Variants in CNTNAP2 observed in about 807,000 individuals in gnomAD.
CNTNAP2 encodes contactin-associated protein-like 2.
Under a neutral mutation model 155.2 loss-of-function variants are expected in CNTNAP2, and 98 were observed. The ratio of observed to expected loss-of-function variants is 0.63; its 90% CI spans 0.54 to 0.75. The LOEUF (loss-of-function observed/expected upper bound fraction) is 0.75. Among genes scored for constraint, CNTNAP2 ranks in the 30% least tolerant of loss-of-function variants. The pLI, the probability that CNTNAP2 is intolerant of heterozygous loss-of-function variation, is 0.00. For missense variants in CNTNAP2, 1,727 were observed against 1,688.1 expected, an observed-to-expected ratio of 1.02 and a Z score of -0.40; for synonymous variants, 651 against 631.2, an observed-to-expected ratio of 1.03 and a Z score of -0.47.
At chr7:148,301,306 A>AAAAATATATATATATATAT in intron 21 of CNTNAP2, among the ~76,000 whole-genome samples, 8 of 103,844 alleles carry the variant, frequency 7.7e-5, no homozygotes, top group African/African-American at 1.9e-4. Context: ...AAAAAAAAAA[A>AAAAATATATATATATATAT]ATATATATAT....
At chr7:146,698,904 T>C (rs1800829417) in intron 1 of CNTNAP2, among the ~76,000 whole-genome samples, 1 of 152,166 alleles carries the variant, frequency 6.6e-6, no homozygotes, top group South Asian at 2.1e-4. Flanking sequence ...TCCAGCCTAC[T>C]AATGAACCCA....
chr7:146,879,773 TAAAG>T (rs918051588), intron 3 of CNTNAP2, among the ~76,000 whole-genome samples: 4 of 152,022 alleles, frequency 2.6e-5, no homozygotes, highest in Admixed American at 6.6e-5. Context: ...TTTATAATAA[TAAAG>T]AAAATAAAGA....
At chr7:147,327,602 C>A (rs1795483660) in intron 9 of CNTNAP2, among the ~76,000 whole-genome samples, 1 of 152,152 alleles carries the variant, frequency 6.6e-6, no homozygotes, top group South Asian at 2.1e-4. Context: ...GAAAGCTGTT[C>A]TGCATTCCTT....
chr7:146,571,082 T>C lies in CNTNAP2; in HGVS notation c.98-203189T>C, dbSNP rs1388149168. On this transcript the variant is annotated intron_variant, in intron 1 of 23. Coordinates refer to ENST00000361727, the MANE Select transcript of CNTNAP2 (RefSeq NM_014141.6). ...ATAAAGAATGCAAGGAGATATTTTCTTATAAACCTGAAAAAGATGTCTTCT... is the reference window on the plus strand; with the variant it reads ...ATAAAGAATGCAAGGAGATATTTTCCTATAAACCTGAAAAAGATGTCTTCT... Among the ~76,000 whole-genome samples, 3 of 152,272 alleles carry C rather than the reference T, an allele frequency of 2.0e-5. No homozygotes were observed. In the East Asian group the frequency reaches 5.8e-4, roughly 29 times the overall value.
intron 3 of CNTNAP2, among the ~76,000 whole-genome samples, chr7:146,900,129 A>G (rs1681164947): frequency 6.6e-6 from 1 of 152,060 alleles, no homozygotes; most frequent in African/African-American, 2.4e-5. Flanking sequence ...AGATAAGTAA[A>G]GGCCTAAACA....
At chr7:147,751,231 CT>C (rs1257943163) in intron 13 of CNTNAP2, among the ~76,000 whole-genome samples, 2 of 151,284 alleles carry the variant, frequency 1.3e-5, no homozygotes, top group East Asian at 1.9e-4. Context: ...ACCTTCTGTA[CT>C]TTTAAGAACA....
intron 3 of CNTNAP2, among the ~76,000 whole-genome samples, chr7:146,907,651 C>T (rs1259178081): frequency 6.7e-5 from 10 of 149,678 alleles, no homozygotes; most frequent in South Asian, 4.3e-4. Flanking sequence ...CTGAAGGAAG[C>T]GCTAAACATG....
rs777193194 is a variant in CNTNAP2 at position 148,147,473 on chromosome 7, T to C, written c.2555-18T>C. 3 of 1,611,920 alleles carry C rather than the reference T, an allele frequency of 1.9e-6. No individual in the cohort carries two copies. The highest frequency in any genetic ancestry group is 1.1e-5 in the South Asian group (1 of 91,044). ...GGGAGAAAAATACTCATGTTTTTCA[T>C]GCTTTCTGCTCCTCCAGCTGCCACA... On this transcript the variant is annotated intron_variant, in intron 16 of 23. Transcript: ENST00000361727.
In CNTNAP2 at chr7:148,293,392, G is replaced by A. The variant is rs952999441; in HGVS notation, c.3475+26266G>A. On this transcript the variant is annotated intron_variant, in intron 21 of 23. Coordinates refer to ENST00000361727, the MANE Select transcript of CNTNAP2 (RefSeq NM_014141.6). ...CTCTCAGTTTTACAGGCTTGTTTTC[G>A]GATTAATGGTAATAGATGTAAAGAA... 9.2e-5 allele frequency among the ~76,000 whole-genome samples: 14 copies of A among 152,182 alleles called. 1 individual carries two copies. The highest frequency in any genetic ancestry group is 3.4e-4 in the African/African-American group (14 of 41,518).
chr7:146,403,908 G>A (rs1235724031), intron 1 of CNTNAP2, among the ~76,000 whole-genome samples: 1 of 151,754 alleles, frequency 6.6e-6, no homozygotes, highest in Non-Finnish European at 1.5e-5. Context: ...GGCGGATCAC[G>A]AGGTCAGGAG....
At chr7:146,440,666 A>G (rs1451201410) in intron 1 of CNTNAP2, among the ~76,000 whole-genome samples, 2 of 151,382 alleles carry the variant, frequency 1.3e-5, no homozygotes, top group Admixed American at 6.6e-5. Flanking sequence ...ATATTTCACA[A>G]TTTTCCATTG....
At chr7:148,214,230 A>T (rs987581115) in intron 18 of CNTNAP2, among the ~76,000 whole-genome samples, 2 of 152,214 alleles carry the variant, frequency 1.3e-5, no homozygotes, top group South Asian at 2.1e-4. Context: ...TCAGAGCAAG[A>T]GTTGTCAGCA....
At chr7:147,205,471 ATTCT>A (rs1803005793) in intron 8 of CNTNAP2, among the ~76,000 whole-genome samples, 1 of 152,090 alleles carries the variant, frequency 6.6e-6, no homozygotes, top group Non-Finnish European at 1.5e-5. Flanking sequence ...TAACAATTTG[ATTCT>A]TTCAATCTAA....
At chr7:147,007,495 G>T (rs1248266697) in intron 3 of CNTNAP2, among the ~76,000 whole-genome samples, 1 of 151,888 alleles carries the variant, frequency 6.6e-6, no homozygotes, top group African/African-American at 2.4e-5. Flanking sequence ...TAAGAAAAAA[G>T]CCACCTTTTG....
intron 13 of CNTNAP2, among the ~76,000 whole-genome samples, chr7:147,873,776 C>T (rs1458460521): frequency 6.6e-6 from 1 of 152,146 alleles, no homozygotes; most frequent in African/African-American, 2.4e-5. Context: ...TCATCCGAGA[C>T]AAGGCAAGTC....
intron 3 of CNTNAP2, among the ~76,000 whole-genome samples, chr7:147,023,081 A>G (rs1446499648): frequency 6.6e-6 from 1 of 152,162 alleles, no homozygotes; most frequent in Non-Finnish European, 1.5e-5. Context: ...TTGCTTCATG[A>G]TAAACATTTG....
intron 11 of CNTNAP2, chr7:147,497,056 T>C (rs1166616037): frequency 2.6e-5 from 4 of 152,162 alleles, no homozygotes. Context: ...TCCAAGAAAA[T>C]TTTGATGCTT....
At chr7:146,322,730 G>A (rs528574241) in intron 1 of CNTNAP2, among the ~76,000 whole-genome samples, 10 of 142,770 alleles carry the variant, frequency 7.0e-5, no homozygotes, top group African/African-American at 2.3e-4. Context: ...GTACAGTGGG[G>A]AAAGGAAGCA....
At chr7:148,042,931 C>T (rs896754321) in intron 15 of CNTNAP2, among the ~76,000 whole-genome samples, 3 of 152,170 alleles carry the variant, frequency 2.0e-5, no homozygotes, top group East Asian at 1.9e-4. Context: ...ATGTGAGTCT[C>T]GGACTTCAGC....
Sources: gnomAD v4.1 joint callset for allele counts (sites outside exome capture counted in the v4.1 genomes callset) on GRCh38, gnomAD v4.1.1 for gene constraint, MANE v1.5 for transcripts, NCBI Gene and HGNC (gene_info 2026-07-23, HGNC 2026-07-21) for gene names.